CUTC: variants seen among roughly 807,000 people sequenced by gnomAD.
CUTC encodes the protein copper homeostasis protein cutC homolog.
Under a neutral mutation model 36.2 loss-of-function variants are expected in CUTC, and 27 were observed. That is an observed-to-expected ratio of 0.75 (90% CI 0.55 to 1.03). The LOEUF (loss-of-function observed/expected upper bound fraction) is 1.03. CUTC is among the 50% of genes least tolerant of loss of function. The probability of loss-of-function intolerance (pLI) is 0.00; values close to 1 mark genes in which losing one functional copy is unlikely to be tolerated. For synonymous variants in CUTC, 114 were observed against 118.3 expected (o/e 0.96, Z 0.24); for missense variants, 315 against 343.5 (o/e 0.92, Z 0.66).
chr10:99,745,806 G>A (rs1234756251), intron 5 of CUTC, among the ~76,000 whole-genome samples: 3 of 152,318 alleles, frequency 2.0e-5, no homozygotes, highest in South Asian at 2.1e-4. Context: ...GCAGTGAGCC[G>A]AGACCGTGCC....
Position 99,755,835 on chromosome 10 carries a change from G to A in CUTC, c.*96G>A. 1 of 743,210 alleles carries A rather than the reference G, an allele frequency of 1.3e-6. No homozygotes were observed. Among genetic ancestry groups the A allele is most frequent in the Non-Finnish European group, 2.2e-6 (1 of 445,986 alleles). 46.0% of individuals were successfully genotyped at this position (743,210 alleles called of 1,614,324 possible). A position where few individuals can be genotyped will look rare whatever the true frequency, so the allele number is the denominator to read the frequency against. On this transcript the variant is annotated 3_prime_UTR_variant, in exon 9 of 9. Coordinates refer to ENST00000370476, the MANE Select transcript of CUTC (RefSeq NM_015960.3). ...CAGCTTTAACCTTCTTCTCTGGCCA[G>A]GACAGTCGCAATCTTTGTTTTAAGT... is the stretch of plus-strand genomic sequence containing the variant.
chr10:99,749,295 C>G (rs2037400305), intron 6 of CUTC, among the ~76,000 whole-genome samples: 2 of 152,126 alleles, frequency 1.3e-5, no homozygotes, highest in African/African-American at 2.4e-5. Flanking sequence ...CATTACCTAG[C>G]CATCCTAAAC....
At chr10:99,745,833 G>T (rs1479815954) in intron 5 of CUTC, among the ~76,000 whole-genome samples, 1 of 152,220 alleles carries the variant, frequency 6.6e-6, no homozygotes, top group Non-Finnish European at 1.5e-5. Context: ...CTCCAGCCTG[G>T]GCGACAGAGC....
At chr10:99,737,181 G>A (rs1303547545) in intron 2 of CUTC, among the ~76,000 whole-genome samples, 1 of 151,462 alleles carries the variant, frequency 6.6e-6, no homozygotes, top group Non-Finnish European at 1.5e-5. Context: ...AAGGTGGGAG[G>A]ATCACTTGAG....
intron 5 of CUTC, 49 bp downstream of exon 5, chr10:99,744,121 A>C (rs370567042): frequency 6.8e-7 from 1 of 1,478,350 alleles, no homozygotes; most frequent in South Asian, 1.2e-5. Flanking sequence ...TTAGTTTTCT[A>C]ATTTCAACAA....
chr10:99,755,235 C>T (rs2037446175), intron 8 of CUTC, among the ~76,000 whole-genome samples: 1 of 151,924 alleles, frequency 6.6e-6, no homozygotes, highest in South Asian at 2.1e-4. Flanking sequence ...CACCTGTAAT[C>T]CCAGCGCTTT....
At chr10:99,742,528 G>C (rs2037348951) in intron 3 of CUTC, among the ~76,000 whole-genome samples, 1 of 151,964 alleles carries the variant, frequency 6.6e-6, no homozygotes, top group Non-Finnish European at 1.5e-5. Context: ...AGTTCTTTTA[G>C]CAAGAAAAAA....
intron 1 of CUTC, among the ~76,000 whole-genome samples, chr10:99,733,978 A>G (rs2037266764): frequency 6.6e-6 from 1 of 152,144 alleles, no homozygotes; most frequent in Admixed American, 6.5e-5. Flanking sequence ...GGTAGCTACC[A>G]GGAAACTCAT....
At chr10:99,742,469 T>C (rs2037348490) in intron 3 of CUTC, among the ~76,000 whole-genome samples, 1 of 152,164 alleles carries the variant, frequency 6.6e-6, no homozygotes, top group Non-Finnish European at 1.5e-5. Flanking sequence ...TAACACCAAT[T>C]ATGATTCATT....
At chr10:99,743,434 A>C in intron 4 of CUTC, 72 bp downstream of exon 4, 1 of 1,380,090 alleles carries the variant, frequency 7.2e-7, no homozygotes, top group Non-Finnish European at 1.0e-6. Context: ...TAGAAAAACA[A>C]CATCACAAAA....
At chr10:99,755,028 G>C (rs1183176902) in intron 8 of CUTC, among the ~76,000 whole-genome samples, 1 of 152,060 alleles carries the variant, frequency 6.6e-6, no homozygotes, top group Non-Finnish European at 1.5e-5. Context: ...TTAGTACTTA[G>C]TCTTCCCTCA....
chr10:99,752,322 G>A (rs2037425268), intron 7 of CUTC, among the ~76,000 whole-genome samples: 1 of 151,688 alleles, frequency 6.6e-6, no homozygotes, highest in South Asian at 2.1e-4. Context: ...CAAGGCTGCA[G>A]TGAGCTATGA....
intron 5 of CUTC, among the ~76,000 whole-genome samples, chr10:99,746,848 T>G (rs1485674208): frequency 1.3e-5 from 2 of 152,244 alleles, no homozygotes; most frequent in African/African-American, 2.4e-5. Flanking sequence ...ATTGGCTCAC[T>G]GCAGTCTCGA....
intron 1 of CUTC, among the ~76,000 whole-genome samples, chr10:99,733,965 T>C (rs987330561): frequency 4.6e-5 from 7 of 152,160 alleles, no homozygotes; most frequent in African/African-American, 1.7e-4. Context: ...TGACAGCTGG[T>C]CTGGTAGCTA....
At chr10:99,746,758 T>A (rs1383023730) in intron 5 of CUTC, among the ~76,000 whole-genome samples, 2 of 152,044 alleles carry the variant, frequency 1.3e-5, no homozygotes, top group African/African-American at 4.8e-5. Context: ...ACTGAATTTT[T>A]TTATTATTAT....
At chr10:99,755,566 G>A in intron 8 of CUTC, 59 bp from the exon 9 acceptor site, 1 of 1,045,360 alleles carries the variant, frequency 9.6e-7, no homozygotes, top group Non-Finnish European at 1.5e-6. Context: ...AAATGAAGCG[G>A]CAGTAGGAGG....
intron 3 of CUTC, among the ~76,000 whole-genome samples, chr10:99,740,545 C>A (rs1047017531): frequency 1.3e-5 from 2 of 151,634 alleles, no homozygotes; most frequent in Admixed American, 1.3e-4. Flanking sequence ...TCTCTTTTTT[C>A]TACCTACTTT....
chr10:99,741,947 C>G, intron 3 of CUTC, among the ~76,000 whole-genome samples: 1 of 152,144 alleles, frequency 6.6e-6, no homozygotes, highest in Non-Finnish European at 1.5e-5. Context: ...TTTCTGTCCT[C>G]CCTGTACTGT....
intron 3 of CUTC, among the ~76,000 whole-genome samples, chr10:99,742,031 G>A (rs1366456397): frequency 6.6e-6 from 1 of 151,942 alleles, no homozygotes; most frequent in African/African-American, 2.4e-5. Flanking sequence ...AATTGTTTTG[G>A]CTCCATGTGG....
Sources: gnomAD v4.1 joint callset for allele counts (sites outside exome capture counted in the v4.1 genomes callset) on GRCh38, gnomAD v4.1.1 for gene constraint, MANE v1.5 for transcripts, NCBI Gene and HGNC (gene_info 2026-07-23, HGNC 2026-07-21) for gene names.